The following C10orf67 variants were observed in gnomAD, a reference collection of about 807,000 sequenced individuals.
C10orf67 encodes the protein uncharacterized protein C10orf67, mitochondrial.
A neutral mutation model predicts 35.6 loss-of-function variants in C10orf67; 60 were observed. The observed-to-expected ratio is 1.68, with a 90% CI of 1.37 to 2.09. The LOEUF is 2.09. Among genes scored for constraint, C10orf67 ranks in the 30% most tolerant of loss-of-function variants. The pLI is 0.00. For missense variants in C10orf67, 474 were observed against 330.2 expected (o/e 1.44, Z -3.38); for synonymous variants, 167 against 115.8 (o/e 1.44, Z -2.84).
chr10:23,337,888 C>A (rs1845748339), intron 1 of C10orf67, among the ~76,000 whole-genome samples: 1 of 152,196 alleles, frequency 6.6e-6, no homozygotes, highest in Non-Finnish European at 1.5e-5. Context: ...CTGAATGACA[C>A]AATCATGAAG....
At chr10:23,226,998 T>C (rs1007889018) in intron 13 of C10orf67, among the ~76,000 whole-genome samples, 4 of 152,196 alleles carry the variant, frequency 2.6e-5, no homozygotes, top group African/African-American at 9.6e-5. Flanking sequence ...CACAGCCAAA[T>C]TCTGCCAGAG....
intron 13 of C10orf67, among the ~76,000 whole-genome samples, chr10:23,234,716 A>C (rs887940815): frequency 1.3e-5 from 2 of 152,068 alleles, no homozygotes; most frequent in African/African-American, 2.4e-5. Context: ...AGGCTAAAAA[A>C]AAAAAAAGGT....
chr10:23,326,020 T>G (rs1171843026), intron 2 of C10orf67, among the ~76,000 whole-genome samples: 1 of 152,016 alleles, frequency 6.6e-6, no homozygotes, highest in African/African-American at 2.4e-5. Context: ...TTTTTAAAAT[T>G]TTACAAAATG....
intron 15 of C10orf67, among the ~76,000 whole-genome samples, chr10:23,217,325 T>C (rs1841457715): frequency 1.3e-5 from 2 of 152,210 alleles, no homozygotes; most frequent in Admixed American, 1.3e-4. Flanking sequence ...GAAAGGAATA[T>C]TAATATGGTA....
At chr10:23,216,427 C>A (rs72802161) in intron 15 of C10orf67, among the ~76,000 whole-genome samples, 30,586 of 151,850 alleles carry the variant, frequency 0.2, 3,812 homozygotes, top group Non-Finnish European at 0.28. Context: ...AGTAGTGTAA[C>A]CAATTACTAG....
intron 15 of C10orf67, among the ~76,000 whole-genome samples, chr10:23,205,612 T>C (rs1841136895): frequency 6.6e-6 from 1 of 152,202 alleles, no homozygotes; most frequent in Non-Finnish European, 1.5e-5. Context: ...TTTAGTCTAT[T>C]AGAAATCAGC....
At chr10:23,310,808 T>A (rs932681435) in intron 4 of C10orf67, among the ~76,000 whole-genome samples, 9 of 152,204 alleles carry the variant, frequency 5.9e-5, no homozygotes, top group African/African-American at 2.2e-4. Context: ...CACTCCATGT[T>A]GCCTGCTTTC....
chr10:23,300,797 C>G (rs1844048082), intron 5 of C10orf67, among the ~76,000 whole-genome samples: 1 of 152,192 alleles, frequency 6.6e-6, no homozygotes, highest in South Asian at 2.1e-4. Flanking sequence ...TGGGAATTGC[C>G]TGCTGGCCTG....
At chr10:23,268,659 C>T (rs762188289) in intron 8 of C10orf67, among the ~76,000 whole-genome samples, 4 of 152,162 alleles carry the variant, frequency 2.6e-5, no homozygotes, top group African/African-American at 4.8e-5. Context: ...GAACTCAAGC[C>T]TAATACAGTC....
At chr10:23,243,051 C>A (rs887441126) in intron 12 of C10orf67, among the ~76,000 whole-genome samples, 1 of 152,100 alleles carries the variant, frequency 6.6e-6, no homozygotes, top group Non-Finnish European at 1.5e-5. Flanking sequence ...ATACACCATG[C>A]ACTCTTAACC....
At chr10:23,206,928 G>A (rs563523089) in intron 15 of C10orf67, among the ~76,000 whole-genome samples, 70 of 152,244 alleles carry the variant, frequency 4.6e-4, no homozygotes, top group Admixed American at 8.5e-4. Flanking sequence ...TCCAAGTTAT[G>A]CCTCAGCATT....
chr10:23,250,277 T>C (rs1164944598), intron 12 of C10orf67, among the ~76,000 whole-genome samples, 178 bp downstream of exon 12: 1 of 152,226 alleles, frequency 6.6e-6, no homozygotes, highest in Non-Finnish European at 1.5e-5. Context: ...TCTTGAATGA[T>C]TTTACTTCTC....
At position 23,261,829 on chromosome 10, in the gene C10orf67, A is replaced by G. The variant is rs567717076; in HGVS notation, c.1200+4433T>C. On this transcript the variant is annotated intron_variant, in intron 10 of 15. Transcript: ENST00000636213. ...GAAACAAAGAATTTTAATAGGATCA[A>G]TTTTCATGATGAACAAGCAGAGATT... Among the ~76,000 whole-genome samples, 4 of 152,326 alleles carry G rather than the reference A, an allele frequency of 2.6e-5. No individual in the cohort carries two copies. In the South Asian group the frequency reaches 6.2e-4, roughly 24 times the overall value.
intron 4 of C10orf67, among the ~76,000 whole-genome samples, chr10:23,308,191 C>T (rs1844358797): frequency 6.6e-6 from 1 of 151,958 alleles, no homozygotes; most frequent in South Asian, 2.1e-4. Flanking sequence ...CAAACTTGTT[C>T]GATCTACCCC....
intron 1 of C10orf67, among the ~76,000 whole-genome samples, chr10:23,335,017 C>T (rs1455681118): frequency 1.3e-5 from 2 of 151,972 alleles, no homozygotes; most frequent in Non-Finnish European, 2.9e-5. Context: ...GGCAAAACCC[C>T]GTCTCGACTA....
rs151070739 is a variant in C10orf67 at position 23,221,928 on chromosome 10, T to C, written c.1570+1670A>G. Among the ~76,000 whole-genome samples the C allele has an allele frequency of 8.9e-3, 1,350 of 152,308 alleles. 12 individuals are homozygous for C. Among genetic ancestry groups the C allele is most frequent in the Non-Finnish European group, 0.013 (894 of 68,024 alleles). Reference sequence around the variant, plus strand: ...AAGAACATTACATGTCAAAGCTGTATCTGAGATTGAATACGAGGAAATTTC... The same window carrying C: ...AAGAACATTACATGTCAAAGCTGTACCTGAGATTGAATACGAGGAAATTTC... On this transcript the variant is annotated intron_variant, in intron 15 of 15. Coordinates refer to ENST00000636213, the MANE Select transcript of C10orf67 (RefSeq NM_001371909.1).
intron 15 of C10orf67, among the ~76,000 whole-genome samples, chr10:23,205,817 A>T (rs748963408): frequency 1.3e-5 from 2 of 152,218 alleles, no homozygotes; most frequent in Non-Finnish European, 2.9e-5. Context: ...AATACAACTC[A>T]AAAAATCATA....
At chr10:23,252,033 T>TA (rs1206639124) in intron 10 of C10orf67, among the ~76,000 whole-genome samples, 3 of 152,186 alleles carry the variant, frequency 2.0e-5, no homozygotes, top group African/African-American at 7.2e-5. Context: ...TACCAGTTTT[T>TA]AAAAAATGCA....
intron 13 of C10orf67, among the ~76,000 whole-genome samples, chr10:23,239,433 G>C (rs1271702921): frequency 6.6e-6 from 1 of 152,180 alleles, no homozygotes; most frequent in African/African-American, 2.4e-5. Flanking sequence ...TGGGCAGACT[G>C]ACAGATATGC....
Sources: allele counts gnomAD v4.1 joint callset (sites outside exome capture counted in the v4.1 genomes callset), GRCh38; gene constraint gnomAD v4.1.1; transcripts MANE v1.5; gene names NCBI Gene and HGNC (gene_info 2026-07-23, HGNC 2026-07-21).